The following NRG3 variants were observed in gnomAD, a reference collection of about 807,000 sequenced individuals.
NRG3 encodes the protein neuregulin 3, also known as pro-neuregulin-3, membrane-bound isoform.
Under a neutral mutation model 66.9 loss-of-function variants are expected in NRG3, and 31 were observed. That is an observed-to-expected ratio of 0.46 (90% CI 0.35 to 0.63). The LOEUF is 0.63. NRG3 is among the 20% of genes least tolerant of loss of function. The pLI is 0.00. For synonymous variants in NRG3, 393 were observed against 359.4 expected, an observed-to-expected ratio of 1.09 and a Z score of -1.06; for missense variants, 910 against 878.9, an observed-to-expected ratio of 1.04 and a Z score of -0.45.
At chr10:82,636,626 GTTTC>G (rs2050215810) in intron 2 of NRG3, among the ~76,000 whole-genome samples, 1 of 152,148 alleles carries the variant, frequency 6.6e-6, no homozygotes, top group Non-Finnish European at 1.5e-5. Flanking sequence ...ATAATATTCA[GTTTC>G]TTTATCTATT....
At chr10:81,945,531 C>G (rs1848771171) in intron 1 of NRG3, among the ~76,000 whole-genome samples, 1 of 152,124 alleles carries the variant, frequency 6.6e-6, no homozygotes, top group African/African-American at 2.4e-5. Flanking sequence ...TTTCATAGAA[C>G]ACATAATATC....
chr10:82,060,889 C>A (rs868055983), intron 1 of NRG3, among the ~76,000 whole-genome samples: 1 of 152,156 alleles, frequency 6.6e-6, no homozygotes, highest in African/African-American at 2.4e-5. Context: ...CTCTGGTTGT[C>A]TCATTCATGC....
chr10:82,614,640 G>A (rs1234355431), intron 2 of NRG3, among the ~76,000 whole-genome samples: 1 of 152,146 alleles, frequency 6.6e-6, no homozygotes, highest in South Asian at 2.1e-4. Context: ...AATTTCAGAA[G>A]TTTTCAGGTA....
intron 1 of NRG3, among the ~76,000 whole-genome samples, chr10:82,037,334 C>A (rs1027347017): frequency 2.0e-5 from 3 of 152,112 alleles, no homozygotes; most frequent in Non-Finnish European, 4.4e-5. Flanking sequence ...TCCATCAGGG[C>A]AGAATGTGGA....
Position 81,875,895 on chromosome 10 carries a change from G to A in NRG3, c.555G>A (p.Arg185=). The change falls in exon 1 of 9, where the codon CGG becomes CGA. Residue 185 remains arginine (R), a synonymous_variant. Transcript: ENST00000372141. The surrounding 1 kb of genome is among the most constrained non-coding windows in gnomAD (Gnocchi z 5.3). ...CCAGCCCGCGCTCCACCACAGCACG[G>A]AACACTGCGGCCCCTGCGACGGTCC... ...IRASPRSTTA[R]NTAAPATVPS... is the part of the protein sequence containing the mutation. The A allele has an allele frequency of 1.2e-6, 2 of 1,612,268 alleles. No individual in the cohort carries two copies. Among genetic ancestry groups the A allele is most frequent in the Non-Finnish European group, 1.7e-6 (2 of 1,179,928 alleles).
chr10:82,656,308 C>CTTTTTTTTTTTTTT (rs3040205), intron 2 of NRG3, among the ~76,000 whole-genome samples: 4 of 132,038 alleles, frequency 3.0e-5, no homozygotes, highest in African/African-American at 8.4e-5. Context: ...TTTCTTTTTT[C>CTTTTTTTTTTTTTT]TTTTTTTTTT....
chr10:82,808,753 A>G (rs2061383827), intron 3 of NRG3, among the ~76,000 whole-genome samples: 1 of 152,224 alleles, frequency 6.6e-6, no homozygotes, highest in Non-Finnish European at 1.5e-5. Flanking sequence ...TTTATTCCTT[A>G]TACAGCTACT....
chr10:82,759,062 T>A (rs1392752529), intron 3 of NRG3, among the ~76,000 whole-genome samples: 1 of 152,030 alleles, frequency 6.6e-6, no homozygotes, highest in Non-Finnish European at 1.5e-5. Flanking sequence ...TAGTGAGAGA[T>A]GTTTGGGCCA....
intron 1 of NRG3, among the ~76,000 whole-genome samples, chr10:81,895,804 G>A (rs1843471820): frequency 6.6e-6 from 1 of 152,096 alleles, no homozygotes; most frequent in Non-Finnish European, 1.5e-5. Flanking sequence ...GTGAGGGAAT[G>A]GCTGTTCCTT....
chr10:82,706,981 A>G lies in NRG3; in HGVS notation c.954-31596A>G, dbSNP rs534225246. On this transcript the variant is annotated intron_variant, in intron 2 of 8. Transcript: ENST00000372141. ...TGCACTCCAGCCTGGGTGACAGAGTAAGACTCCATCTCAAAAAAAAAAAAT... is the reference window on the plus strand; with the variant it reads ...TGCACTCCAGCCTGGGTGACAGAGTGAGACTCCATCTCAAAAAAAAAAAAT... 4.9e-3 allele frequency among the ~76,000 whole-genome samples: 727 copies of G among 148,162 alleles called. 3 individuals carry two copies. The highest frequency in any genetic ancestry group is 8.3e-3 in the Non-Finnish European group (559 of 67,430).
At chr10:82,879,958 C>CTTTTTTTTTTTT in intron 4 of NRG3, among the ~76,000 whole-genome samples, 1 of 78,462 alleles carries the variant, frequency 1.3e-5, no homozygotes, top group Non-Finnish European at 2.3e-5. Context: ...GATTTCATCC[C>CTTTTTTTTTTTT]TTTTTTTTTT....
At chr10:82,743,139 T>G (rs2058500658) in intron 3 of NRG3, among the ~76,000 whole-genome samples, 1 of 152,126 alleles carries the variant, frequency 6.6e-6, no homozygotes, top group Non-Finnish European at 1.5e-5. Flanking sequence ...AATCCAGTAC[T>G]TAGCATATTC....
chr10:82,490,698 A>T (rs1319925396), intron 2 of NRG3, among the ~76,000 whole-genome samples: 2 of 152,112 alleles, frequency 1.3e-5, no homozygotes, highest in Admixed American at 1.3e-4. Context: ...TGTCTAACAG[A>T]TATTTAAGAC....
chr10:82,538,962 C>T (rs1401573405), intron 2 of NRG3, among the ~76,000 whole-genome samples: 1 of 152,154 alleles, frequency 6.6e-6, no homozygotes, highest in Non-Finnish European at 1.5e-5. Flanking sequence ...ATCTTCATGA[C>T]ATCAGTTAGA....
intron 1 of NRG3, among the ~76,000 whole-genome samples, chr10:82,331,279 G>C (rs1474673523): frequency 6.6e-6 from 1 of 152,048 alleles, no homozygotes; most frequent in Non-Finnish European, 1.5e-5. Context: ...TGATTTGATA[G>C]CTTCCTCAGG....
rs1225108623 is a variant in NRG3, at chr10:82,442,807, T to C, written c.953+83939T>C. On this transcript the variant is annotated intron_variant, in intron 2 of 8. Transcript: ENST00000372141. ...GGATTTTTTTTTTTTTTTTTTTTTT[T>C]TTTTTTTTAGTGAAATAAGATACAT... Among the ~76,000 whole-genome samples the C allele has an allele frequency of 4.9e-5, 7 of 143,812 alleles. No individual in the cohort carries two copies. The East Asian group carries it at 1.2e-3, about 26-fold the overall frequency. 94.3% of individuals were successfully genotyped at this position (143,812 alleles called of 152,430 possible).
At chr10:82,150,405 T>A (rs1194438456) in intron 1 of NRG3, among the ~76,000 whole-genome samples, 4 of 151,032 alleles carry the variant, frequency 2.6e-5, no homozygotes, top group Non-Finnish European at 4.4e-5. Context: ...CTGAAGAGCA[T>A]CCCCCCGCCA....
At chr10:81,965,445 T>C (rs1444476502) in intron 1 of NRG3, among the ~76,000 whole-genome samples, 1 of 152,222 alleles carries the variant, frequency 6.6e-6, no homozygotes, top group Non-Finnish European at 1.5e-5. Flanking sequence ...TAATATAAAA[T>C]TGTAAATTTT....
In NRG3 at chr10:82,736,970, T is replaced by C. The variant is rs762135595; in HGVS notation, c.954-1607T>C. Among the ~76,000 whole-genome samples, 33 of 152,306 alleles carry C rather than the reference T, an allele frequency of 2.2e-4. No homozygotes were observed. The Middle Eastern group carries it at 0.01, about 47-fold the overall frequency. ...TGAAAATGAAAGCACCATGGTACGA[T>C]AATTCTGAATAAGAACAAGCTAATT... On this transcript the variant is annotated intron_variant, in intron 2 of 8. Transcript: ENST00000372141.
Sources: allele counts gnomAD v4.1 joint callset (sites outside exome capture counted in the v4.1 genomes callset), GRCh38; gene constraint gnomAD v4.1.1; non-coding constraint Gnocchi (gnomAD v3.1); transcripts MANE v1.5; gene names NCBI Gene and HGNC (gene_info 2026-07-23, HGNC 2026-07-21).